The following MME variants were observed in gnomAD, a reference collection of about 807,000 sequenced individuals.
MME encodes membrane metalloendopeptidase.
MME carries 98 observed loss-of-function variants against 113.2 expected under a neutral mutation model. The ratio of observed to expected loss-of-function variants is 0.87; its 90% CI spans 0.74 to 1.02. MME has a LOEUF of 1.02. Ranked by LOEUF, MME falls within the 50% of genes least tolerant of loss-of-function variation. The pLI is 0.00. For synonymous variants in MME, 292 were observed against 300.6 expected, an observed-to-expected ratio of 0.97 and a Z score of 0.30; for missense variants, 836 against 896.0, an observed-to-expected ratio of 0.93 and a Z score of 0.86.
At chr3:155,160,067 G>C (rs753631732) in intron 16 of MME, among the ~76,000 whole-genome samples, 6 of 151,956 alleles carry the variant, frequency 3.9e-5, no homozygotes, top group Non-Finnish European at 7.4e-5. Flanking sequence ...GGAACATAAA[G>C]CTAAATAAAT....
Position 155,179,166 on chromosome 3 carries a change from G to C in MME, c.2154-1194G>C, listed in dbSNP as rs868252616. On this transcript the variant is annotated intron_variant, in intron 22 of 22. Coordinates refer to ENST00000360490, the MANE Select transcript of MME (RefSeq NM_007289.4). Reference sequence around the variant, plus strand: ...AGTAACTTTCCAGGGAGTAGGGTCTGCAGGTAGCAGGAAGCTCTGAAGAGG... The same window carrying C: ...AGTAACTTTCCAGGGAGTAGGGTCTCCAGGTAGCAGGAAGCTCTGAAGAGG... Among the ~76,000 whole-genome samples the C allele has an allele frequency of 4.6e-5, 7 of 152,170 alleles. No homozygotes were observed. The South Asian group carries it at 1.0e-3, about 23-fold the overall frequency.
chr3:155,072,207 G>A (rs1035598443), intron 1 of MME, among the ~76,000 whole-genome samples: 6 of 143,472 alleles, frequency 4.2e-5, no homozygotes, highest in African/African-American at 1.5e-4. Flanking sequence ...CACTGTCCTA[G>A]CCCTTTAACA....
chr3:155,168,849 A>T (rs771534103), intron 20 of MME, 52 bp downstream of exon 20: 1 of 1,461,326 alleles, frequency 6.8e-7, no homozygotes, highest in East Asian at 2.3e-5. Context: ...TGTTTCTCAT[A>T]TTTAATAATT....
chr3:155,062,199 A>T (rs1320185936), intron 1 of MME, among the ~76,000 whole-genome samples: 1 of 152,170 alleles, frequency 6.6e-6, no homozygotes, highest in Admixed American at 6.5e-5. Context: ...ATTAATTTAT[A>T]TGTATCTATC....
At chr3:155,063,722 C>G (rs1714279163) in intron 1 of MME, among the ~76,000 whole-genome samples, 1 of 93,648 alleles carries the variant, frequency 1.1e-5, no homozygotes, top group Non-Finnish European at 2.2e-5. Flanking sequence ...ATTATATATA[C>G]CATTGCTTTC....
chr3:155,133,062 AAT>A (rs1553762420), intron 8 of MME, among the ~76,000 whole-genome samples: 28 of 75,078 alleles, frequency 3.7e-4, no homozygotes, highest in African/African-American at 6.6e-4. Flanking sequence ...AAAAAAAAAA[AAT>A]ATATATATAT....
chr3:155,141,999 C>G lies in MME; in HGVS notation c.966C>G (p.Ser322Arg). 1 of 1,613,574 alleles carries G rather than the reference C, an allele frequency of 6.2e-7. No individual in the cohort carries two copies. ...TGCCTGCTTTTTTCCAGCCATTCAG[C>G]TGGTTGAATTTCACAAATGAAATCA... is the stretch of plus-strand genomic sequence containing the variant. ...FSLEINGKPF[S>R]WLNFTNEIMS... The change falls in exon 11 of 23, where the codon AGC becomes AGG. Residue 322 changes from serine (S) to arginine (R), a missense_variant. Physicochemically the swap from Ser to Arg is moderately radical, Grantham distance 110 (BLOSUM62 -1). Coordinates refer to ENST00000360490, the MANE Select transcript of MME (RefSeq NM_007289.4).
chr3:155,108,047 G>T (rs1717841247), intron 3 of MME, among the ~76,000 whole-genome samples: 1 of 152,098 alleles, frequency 6.6e-6, no homozygotes, highest in African/African-American at 2.4e-5. Context: ...ATTAAATAAG[G>T]TGTCTTTAAA....
chr3:155,132,239 T>C (rs985809293), intron 8 of MME, among the ~76,000 whole-genome samples: 3 of 152,240 alleles, frequency 2.0e-5, no homozygotes, highest in African/African-American at 7.2e-5. Context: ...AGTAGTCAAA[T>C]GGCATTCATT....
intron 1 of MME, among the ~76,000 whole-genome samples, chr3:155,050,381 C>G (rs1275693119): frequency 6.6e-6 from 1 of 152,078 alleles, no homozygotes; most frequent in South Asian, 2.1e-4. Context: ...AATGGTAATT[C>G]TGTTTAGTTC....
chr3:155,153,689 C>A (rs17450609), intron 16 of MME, among the ~76,000 whole-genome samples: 3,160 of 152,168 alleles, frequency 0.021, 47 homozygotes, highest in Non-Finnish European at 0.032. Context: ...CTGTTGAGCC[C>A]TGGAGTTAAC....
intron 1 of MME, among the ~76,000 whole-genome samples, chr3:155,054,808 ACT>A (rs1713873458): frequency 6.6e-6 from 1 of 152,256 alleles, no homozygotes; most frequent in African/African-American, 2.4e-5. Flanking sequence ...CAAGAGTGAA[ACT>A]CTGTCTCAAA....
chr3:155,047,930 A>G (rs1713616100), intron 1 of MME, among the ~76,000 whole-genome samples: 1 of 152,064 alleles, frequency 6.6e-6, no homozygotes, highest in Non-Finnish European at 1.5e-5. Context: ...TTGCTCATGT[A>G]TTTATGGTTC....
chr3:155,072,546 G>C (rs1714614838), intron 1 of MME, among the ~76,000 whole-genome samples: 1 of 152,136 alleles, frequency 6.6e-6, no homozygotes, highest in African/African-American at 2.4e-5. Flanking sequence ...ATTCTGTGTA[G>C]TTTAGCTGCA....
chr3:155,112,679 G>C (rs1221297006), intron 3 of MME: 2 of 152,306 alleles, frequency 1.3e-5, no homozygotes, highest in Non-Finnish European at 1.5e-5. Flanking sequence ...GAGAGAAAGA[G>C]GGTTTGAGAC....
intron 4 of MME, among the ~76,000 whole-genome samples, 187 bp from the exon 5 acceptor site, chr3:155,116,292 A>G (rs1337464893): frequency 1.3e-5 from 2 of 152,062 alleles, no homozygotes; most frequent in East Asian, 3.9e-4. Flanking sequence ...ATAATCTGGT[A>G]AGGGGTTTGG....
At chr3:155,030,937 A>G (rs1023204530) in intron 1 of MME, among the ~76,000 whole-genome samples, 2 of 152,244 alleles carry the variant, frequency 1.3e-5, no homozygotes, top group African/African-American at 4.8e-5. Flanking sequence ...CAAGAGTCAT[A>G]TGAATAATTT....
At chr3:155,105,737 C>T (rs143205318) in intron 3 of MME, among the ~76,000 whole-genome samples, 48 of 152,196 alleles carry the variant, frequency 3.2e-4, no homozygotes, top group African/African-American at 1.1e-3. Context: ...AATATAGTTA[C>T]CATACAAGGT....
intron 1 of MME, among the ~76,000 whole-genome samples, chr3:155,068,450 T>A (rs1714455072): frequency 6.6e-6 from 1 of 152,240 alleles, no homozygotes; most frequent in African/African-American, 2.4e-5. Context: ...TATTGTTATG[T>A]CAATTACGCA....
Sources: allele counts gnomAD v4.1 joint callset (sites outside exome capture counted in the v4.1 genomes callset), GRCh38; gene constraint gnomAD v4.1.1; transcripts MANE v1.5; gene names NCBI Gene and HGNC (gene_info 2026-07-23, HGNC 2026-07-21).